Variants in SDK1 observed in about 807,000 individuals in gnomAD.
SDK1 encodes the protein protein sidekick-1.
In SDK1, 157 loss-of-function variants were observed where a neutral mutation model predicts 245.5. The observed-to-expected ratio is 0.64, with a 90% CI of 0.56 to 0.73. The LOEUF is 0.73. Among genes scored for constraint, SDK1 ranks in the 30% least tolerant of loss-of-function variants. The pLI is 0.00. For missense variants in SDK1, 3,583 were observed against 3,002.3 expected, an observed-to-expected ratio of 1.19 and a Z score of -4.52; for synonymous variants, 1,647 against 1,278.5, an observed-to-expected ratio of 1.29 and a Z score of -6.15.
intron 5 of SDK1, among the ~76,000 whole-genome samples, chr7:3,927,486 A>C (rs2128115925): frequency 6.6e-6 from 1 of 152,292 alleles, no homozygotes; most frequent in East Asian, 1.9e-4. Flanking sequence ...CTTGGAAGGA[A>C]ACAGAAGCCT....
Position 3,768,292 on chromosome 7 carries a change from A to G in SDK1, c.714-53158A>G, listed in dbSNP as rs1050690396. Among the ~76,000 whole-genome samples, 13 of 152,358 alleles carry G rather than the reference A, an allele frequency of 8.5e-5. No individual in the cohort carries two copies. In the South Asian group the frequency reaches 1.7e-3, roughly 19 times the overall value. ...TTGAAGGATGTGCAAGAGCATAGACATGGCCCGCATAAAGCAGAGTGTGAA... is the reference window on the plus strand; with the variant it reads ...TTGAAGGATGTGCAAGAGCATAGACGTGGCCCGCATAAAGCAGAGTGTGAA... On this transcript the variant is annotated intron_variant, in intron 4 of 44. Transcript: ENST00000404826.
At chr7:3,373,190 C>T (rs567650696) in intron 1 of SDK1, among the ~76,000 whole-genome samples, 2 of 152,160 alleles carry the variant, frequency 1.3e-5, no homozygotes, top group African/African-American at 2.4e-5. Flanking sequence ...CTAGCCTACC[C>T]TACCTTAAAC....
At chr7:4,007,050 G>A (rs759362897) in intron 14 of SDK1, among the ~76,000 whole-genome samples, 58 of 152,372 alleles carry the variant, frequency 3.8e-4, no homozygotes, top group Admixed American at 1.4e-3. Flanking sequence ...TGTGCCTGAC[G>A]GAGCAGGTGA....
chr7:4,170,362 G>A (rs1271667360), intron 32 of SDK1, among the ~76,000 whole-genome samples: 4 of 152,048 alleles, frequency 2.6e-5, no homozygotes, highest in South Asian at 2.1e-4. Context: ...CAGGAGGATC[G>A]CTTGAGCCCA....
chr7:3,603,840 A>G (rs1038420567), intron 1 of SDK1, among the ~76,000 whole-genome samples: 9 of 152,160 alleles, frequency 5.9e-5, no homozygotes, highest in Non-Finnish European at 1.2e-4. Context: ...AGCTCTTATT[A>G]TTTTGAGATA....
chr7:3,864,166 A>C (rs78326224), intron 5 of SDK1, among the ~76,000 whole-genome samples: 1 of 152,208 alleles, frequency 6.6e-6, no homozygotes, highest in South Asian at 2.1e-4. Flanking sequence ...AGGCTGGTCT[A>C]TTTTTCATTC....
intron 1 of SDK1, among the ~76,000 whole-genome samples, chr7:3,567,951 G>A (rs1421745838): frequency 6.6e-6 from 1 of 152,130 alleles, no homozygotes; most frequent in Non-Finnish European, 1.5e-5. Context: ...TGAGTAGCTG[G>A]GACCACAGGT....
chr7:3,424,032 C>A (rs11978310), intron 1 of SDK1, among the ~76,000 whole-genome samples: 1 of 151,816 alleles, frequency 6.6e-6, no homozygotes, highest in Non-Finnish European at 1.5e-5. Context: ...CTACCTCAAA[C>A]TCCCAAATAG....
intron 1 of SDK1, among the ~76,000 whole-genome samples, chr7:3,498,048 C>T (rs960393784): frequency 1.3e-5 from 2 of 152,218 alleles, no homozygotes; most frequent in African/African-American, 4.8e-5. Context: ...GAAACTAACA[C>T]TCCAAAAGTT....
intron 1 of SDK1, among the ~76,000 whole-genome samples, chr7:3,373,382 C>A (rs889474873): frequency 7.2e-5 from 11 of 152,142 alleles, no homozygotes; most frequent in Non-Finnish European, 1.6e-4. Flanking sequence ...CTCTGTAATT[C>A]AAATTATGAA....
intron 1 of SDK1, among the ~76,000 whole-genome samples, chr7:3,441,392 A>T: frequency 6.6e-6 from 1 of 151,902 alleles, no homozygotes; most frequent in East Asian, 1.9e-4. Flanking sequence ...CAAAAAAACA[A>T]AAAACAAACA....
At chr7:3,556,273 GTTTTGT>G (rs1779585527) in intron 1 of SDK1, among the ~76,000 whole-genome samples, 1 of 152,040 alleles carries the variant, frequency 6.6e-6, no homozygotes, top group Non-Finnish European at 1.5e-5. Flanking sequence ...AACAACACTC[GTTTTGT>G]TAAGTGGAGT....
chr7:4,041,358 T>C (rs552365673), intron 17 of SDK1, among the ~76,000 whole-genome samples: 39 of 151,862 alleles, frequency 2.6e-4, no homozygotes, highest in African/African-American at 6.3e-4. Flanking sequence ...AGTTTTGATA[T>C]ACTCTCTGCC....
intron 4 of SDK1, among the ~76,000 whole-genome samples, chr7:3,680,130 C>G (rs1458956417): frequency 5.3e-5 from 8 of 152,162 alleles, no homozygotes; most frequent in Admixed American, 3.3e-4. Context: ...ATGAATGAAC[C>G]AGGCAACGAC....
At chr7:3,678,755 A>G (rs1225458510) in intron 4 of SDK1, among the ~76,000 whole-genome samples, 1 of 152,212 alleles carries the variant, frequency 6.6e-6, no homozygotes, top group Non-Finnish European at 1.5e-5. Context: ...GAAATTGTAG[A>G]CTTTAAAATC....
chr7:3,514,784 G>GA (rs1425921331), intron 1 of SDK1, among the ~76,000 whole-genome samples: 7 of 152,196 alleles, frequency 4.6e-5, no homozygotes, highest in Admixed American at 4.6e-4. Flanking sequence ...ATGCCCAGCT[G>GA]AAAATCAGGA....
chr7:3,967,066 C>A (rs1355263477), intron 9 of SDK1, among the ~76,000 whole-genome samples: 1 of 152,208 alleles, frequency 6.6e-6, no homozygotes, highest in Admixed American at 6.5e-5. Flanking sequence ...TCTTCCTGGG[C>A]CCCTGCACGT....
chr7:3,657,782 C>T (rs1783234726), intron 4 of SDK1, among the ~76,000 whole-genome samples: 1 of 152,148 alleles, frequency 6.6e-6, no homozygotes, highest in South Asian at 2.1e-4. Context: ...TACTCTAAAT[C>T]TTCACGACAT....
intron 2 of SDK1, among the ~76,000 whole-genome samples, chr7:3,634,332 G>A (rs1417903992): frequency 6.6e-6 from 1 of 152,160 alleles, no homozygotes; most frequent in African/African-American, 2.4e-5. Flanking sequence ...TCTAGGGTTG[G>A]TCCAGTGGTC....
Sources: gnomAD v4.1 joint callset for allele counts (sites outside exome capture counted in the v4.1 genomes callset) on GRCh38, gnomAD v4.1.1 for gene constraint, MANE v1.5 for transcripts, NCBI Gene and HGNC (gene_info 2026-07-23, HGNC 2026-07-21) for gene names.